The following GSE1 variants were observed in gnomAD, a reference collection of about 807,000 sequenced individuals.
GSE1 encodes Gse1 coiled-coil protein.
GSE1 carries 32 observed loss-of-function variants against 112.6 expected under a neutral mutation model. The observed-to-expected ratio is 0.28, with a 90% CI of 0.21 to 0.38. The LOEUF (loss-of-function observed/expected upper bound fraction) is 0.38. GSE1 is among the 10% of genes least tolerant of loss of function. The pLI is 1.00. For synonymous variants in GSE1, 1,115 were observed against 735.6 expected, an observed-to-expected ratio of 1.52 and a Z score of -8.35; for missense variants, 2,348 against 1,699.2, an observed-to-expected ratio of 1.38 and a Z score of -6.71.
At chr16:85,407,641 A>G (rs189936951) in intron 2 of GSE1, among the ~76,000 whole-genome samples, 46 of 48 alleles carry the variant, frequency 0.96, 23 homozygotes, top group Non-Finnish European at 1. Context: ...GGCCCCCCTG[A>G]ATAATCCTCA....
rs185287547 is a variant in GSE1, at chr16:85,385,886, G to T, written c.2464+28243G>T. ...CCAGCTCCAGCTTGAGACGGGGCGT[G>T]CACAGCCCTGAACCTGGGTGTGGGC... On this transcript the variant is annotated intron_variant, in intron 2 of 2. Coordinates refer to the GSE1 transcript ENST00000637419. Among the ~76,000 whole-genome samples, 28 of 152,324 alleles carry T rather than the reference G, an allele frequency of 1.8e-4. 1 individual carries two copies. Among genetic ancestry groups the T allele is most frequent in the African/African-American group, 6.5e-4 (27 of 41,572 alleles).
chr16:85,305,921 C>G (rs547520411), intron 1 of GSE1, among the ~76,000 whole-genome samples: 3 of 152,098 alleles, frequency 2.0e-5, no homozygotes, highest in South Asian at 2.1e-4. Context: ...GAAACACCGT[C>G]TCTACTAAAA....
At chr16:85,613,876 C>T (rs1242264079) in intron 1 of GSE1, among the ~76,000 whole-genome samples, 4 of 145,702 alleles carry the variant, frequency 2.7e-5, no homozygotes, top group East Asian at 2.1e-4. Flanking sequence ...GGGGGGTGCT[C>T]GCTACTGGGG....
At chr16:85,194,553 G>A (rs535023741) in intron 1 of GSE1, among the ~76,000 whole-genome samples, 4 of 152,190 alleles carry the variant, frequency 2.6e-5, no homozygotes, top group Admixed American at 6.5e-5. Context: ...GGAGGTGACC[G>A]TGGACCCTTA....
At chr16:85,359,995 C>T (rs2047029951) in intron 2 of GSE1, among the ~76,000 whole-genome samples, 1 of 152,188 alleles carries the variant, frequency 6.6e-6, no homozygotes, top group African/African-American at 2.4e-5. Context: ...GATTGTACCA[C>T]CACAGCCCAG....
At chr16:85,285,341 T>C (rs1362942994) in intron 1 of GSE1, 2 of 152,134 alleles carry the variant, frequency 1.3e-5, no homozygotes, top group Non-Finnish European at 2.9e-5. Flanking sequence ...CTACTCAAAG[T>C]GGGGTCTGTA....
At chr16:85,270,162 C>T (rs1908689387) in intron 1 of GSE1, among the ~76,000 whole-genome samples, 1 of 149,000 alleles carries the variant, frequency 6.7e-6, no homozygotes, top group African/African-American at 2.4e-5. Context: ...GACAGACGCT[C>T]AGTGGTAACC....
rs749087537 is a variant in GSE1, at chr16:85,674,996, A to G, written c.*2457A>G. ...CTAAGAAAAAGGTAAGAACTGTCTC[A>G]AAAACGAAAGCACACCACCCAAGAC... On this transcript the variant is annotated 3_prime_UTR_variant, in exon 16 of 16. Coordinates refer to ENST00000253458, the MANE Select transcript of GSE1 (RefSeq NM_014615.5). The G allele has an allele frequency of 6.6e-6, 1 of 152,630 alleles. No individual in the cohort carries two copies. Among genetic ancestry groups the G allele is most frequent in the Non-Finnish European group, 1.5e-5 (1 of 68,040 alleles). The allele number at this position is 152,630 out of a possible 1,614,324, so 9.5% of individuals were successfully genotyped here. A position where few individuals can be genotyped will look rare whatever the true frequency, so the allele number is the denominator to read the frequency against.
chr16:85,522,897 T>G (rs11640744), intron 2 of GSE1, among the ~76,000 whole-genome samples: 4,023 of 152,118 alleles, frequency 0.026, 86 homozygotes, highest in Non-Finnish European at 0.046. Flanking sequence ...GTGTGTTGTA[T>G]GTGTGACTTT....
intron 1 of GSE1, among the ~76,000 whole-genome samples, chr16:85,217,909 A>G (rs1205509730): frequency 6.6e-6 from 1 of 151,606 alleles, no homozygotes; most frequent in Non-Finnish European, 1.5e-5. Flanking sequence ...TATTTTTTAT[A>G]TATATTTTTT....
At chr16:85,331,349 G>GTATATA (rs1424445543) in intron 1 of GSE1, among the ~76,000 whole-genome samples, 3 of 67,348 alleles carry the variant, frequency 4.5e-5, no homozygotes, top group African/African-American at 1.0e-4. Flanking sequence ...GTGTGTGTGT[G>GTATATA]TGTGTGTGTG....
At chr16:85,353,718 G>A (rs2046896392) in intron 1 of GSE1, among the ~76,000 whole-genome samples, 1 of 152,220 alleles carries the variant, frequency 6.6e-6, no homozygotes, top group Admixed American at 6.5e-5. Context: ...TGGAAAATCA[G>A]AAGATCTGTC....
At chr16:85,546,812 G>T (rs2044717574) in intron 2 of GSE1, among the ~76,000 whole-genome samples, 1 of 152,216 alleles carries the variant, frequency 6.6e-6, no homozygotes, top group Non-Finnish European at 1.5e-5. Flanking sequence ...AGGGATTCTT[G>T]TCGTTACTGT....
At chr16:85,347,447 A>C (rs1283115851) in intron 1 of GSE1, among the ~76,000 whole-genome samples, 1 of 152,174 alleles carries the variant, frequency 6.6e-6, no homozygotes, top group Non-Finnish European at 1.5e-5. Flanking sequence ...CTCAGCAAGC[A>C]GTGAGCTCCT....
At chr16:85,363,834 C>G (rs2035491) in intron 2 of GSE1, among the ~76,000 whole-genome samples, 108,725 of 151,588 alleles carry the variant, frequency 0.72, 39,213 homozygotes, top group East Asian at 0.86. Context: ...GGAGCTGCTG[C>G]AGAAGACACA....
intron 1 of GSE1, among the ~76,000 whole-genome samples, chr16:85,582,708 G>T (rs1266666072): frequency 3.9e-5 from 6 of 152,078 alleles, no homozygotes; most frequent in Non-Finnish European, 1.5e-5. Context: ...CACGGTTCAG[G>T]GCGTCGGGGT....
intron 1 of GSE1, among the ~76,000 whole-genome samples, chr16:85,559,481 C>A (rs1029195538): frequency 5.3e-5 from 8 of 152,208 alleles, no homozygotes; most frequent in South Asian, 2.1e-4. Context: ...GCCTCTTGGA[C>A]TTGGTTTCTA....
At chr16:85,287,772 C>G (rs1368906249) in intron 1 of GSE1, among the ~76,000 whole-genome samples, 1 of 152,194 alleles carries the variant, frequency 6.6e-6, no homozygotes, top group African/African-American at 2.4e-5. Context: ...GAGTTACTTA[C>G]TGACCTTGTA....
At chr16:85,404,042 G>C (rs956057240) in intron 2 of GSE1, among the ~76,000 whole-genome samples, 2 of 151,948 alleles carry the variant, frequency 1.3e-5, no homozygotes, top group Non-Finnish European at 2.9e-5. Flanking sequence ...CTCTGTGTGC[G>C]TCAGAACTCC....
Sources: gnomAD v4.1 joint callset for allele counts (sites outside exome capture counted in the v4.1 genomes callset) on GRCh38, gnomAD v4.1.1 for gene constraint, MANE v1.5 for transcripts, NCBI Gene and HGNC (gene_info 2026-07-23, HGNC 2026-07-21) for gene names.